The following NUBPL variants were observed in gnomAD, a reference collection of about 807,000 sequenced individuals.
NUBPL encodes the protein iron-sulfur cluster transfer protein NUBPL.
NUBPL carries 31 observed loss-of-function variants against 45.7 expected under a neutral mutation model. The observed-to-expected ratio is 0.68, with a 90% CI of 0.51 to 0.92. The LOEUF (loss-of-function observed/expected upper bound fraction) is 0.92. NUBPL is among the 40% of genes least tolerant of loss of function. The pLI is 0.00. For synonymous variants in NUBPL, 144 were observed against 140.9 expected (o/e 1.02, Z -0.15); for missense variants, 401 against 398.7 (o/e 1.01, Z -0.05).
chr14:31,750,369 T>A lies in NUBPL; in HGVS notation c.514-37411T>A, dbSNP rs567952402. Among the ~76,000 whole-genome samples the A allele has an allele frequency of 6.5e-3, 975 of 149,286 alleles. 12 individuals are homozygous for A. The highest frequency in any genetic ancestry group is 0.022 in the African/African-American group (907 of 41,066). The stretch of plus-strand genomic sequence containing the variant: ...TTTTTTTTTTTTTTTAATTTTTATT[T>A]TTTTTATTTTTTTTTATTTTTAGTA... On this transcript the variant is annotated intron_variant, in intron 6 of 10. Transcript: ENST00000281081.
intron 6 of NUBPL, among the ~76,000 whole-genome samples, chr14:31,773,105 CT>C (rs542375461): frequency 3.7e-4 from 56 of 152,090 alleles, no homozygotes; most frequent in African/African-American, 1.3e-3. Context: ...AAGTAAAAAT[CT>C]TTTTATTATT....
intron 6 of NUBPL, among the ~76,000 whole-genome samples, chr14:31,722,401 CAT>C (rs1457340866): frequency 5.9e-5 from 9 of 152,148 alleles, no homozygotes. Context: ...GTAATGAACA[CAT>C]GTGTGCATGT....
chr14:31,661,132 G>T (rs1013255921), intron 4 of NUBPL, among the ~76,000 whole-genome samples: 1 of 152,212 alleles, frequency 6.6e-6, no homozygotes, highest in Non-Finnish European at 1.5e-5. Context: ...TATTAGAAAA[G>T]ATAGAACTTT....
intron 4 of NUBPL, among the ~76,000 whole-genome samples, chr14:31,619,916 C>T (rs536619776): frequency 2.4e-4 from 37 of 152,158 alleles, no homozygotes; most frequent in African/African-American, 7.0e-4. Flanking sequence ...TGTTCAAGTA[C>T]GCCAATCACA....
At chr14:31,694,765 C>T (rs923763989) in intron 6 of NUBPL, among the ~76,000 whole-genome samples, 2 of 152,202 alleles carry the variant, frequency 1.3e-5, no homozygotes, top group South Asian at 2.1e-4. Flanking sequence ...CTGCCCGCCT[C>T]GGCCTTTCAA....
chr14:31,576,352 C>T (rs747619950), intron 3 of NUBPL, among the ~76,000 whole-genome samples: 5 of 152,094 alleles, frequency 3.3e-5, no homozygotes, highest in African/African-American at 1.2e-4. Flanking sequence ...GCCTTGAACC[C>T]GTGGGCTCAA....
At chr14:31,635,566 G>T (rs1045021613) in intron 4 of NUBPL, among the ~76,000 whole-genome samples, 2 of 151,856 alleles carry the variant, frequency 1.3e-5, no homozygotes, top group Non-Finnish European at 2.9e-5. Flanking sequence ...TTGACTTGGC[G>T]ATGTGGGCTC....
At chr14:31,835,651 C>G (rs1435346889) in intron 8 of NUBPL, among the ~76,000 whole-genome samples, 1 of 152,042 alleles carries the variant, frequency 6.6e-6, no homozygotes, top group East Asian at 1.9e-4. Flanking sequence ...CCTCATGGAC[C>G]CACAACTATT....
At position 31,646,104 on chromosome 14, in the gene NUBPL, A is replaced by G. The variant is rs139919969; in HGVS notation, c.383-27251A>G. Among the ~76,000 whole-genome samples the G allele has an allele frequency of 2.4e-4, 37 of 152,212 alleles. No individual in the cohort carries two copies. The East Asian group carries it at 6.6e-3, about 27-fold the overall frequency. On this transcript the variant is annotated intron_variant, in intron 4 of 10. Coordinates refer to ENST00000281081, the MANE Select transcript of NUBPL (RefSeq NM_025152.3). ...AATTCTCTCATTCTTTGTCTGGGAAAGACTATCTTTTCTTCATATTTGAAG... is the reference window on the plus strand; with the variant it reads ...AATTCTCTCATTCTTTGTCTGGGAAGGACTATCTTTTCTTCATATTTGAAG...
intron 6 of NUBPL, among the ~76,000 whole-genome samples, chr14:31,729,301 A>T (rs1435240209): frequency 7.7e-6 from 1 of 130,622 alleles, no homozygotes; most frequent in Non-Finnish European, 1.6e-5. Flanking sequence ...AAAAAAAGTC[A>T]TTCAACAAAT....
intron 4 of NUBPL, among the ~76,000 whole-genome samples, chr14:31,628,414 G>A (rs546649634): frequency 3.3e-5 from 5 of 152,180 alleles, no homozygotes; most frequent in Non-Finnish European, 7.4e-5. Context: ...AATCACATTT[G>A]TTAATACTGT....
intron 4 of NUBPL, among the ~76,000 whole-genome samples, chr14:31,671,260 C>G (rs1234094014): frequency 6.6e-6 from 1 of 152,068 alleles, no homozygotes; most frequent in Non-Finnish European, 1.5e-5. Flanking sequence ...ACCAAATTTT[C>G]TTTATACGTT....
At chr14:31,784,727 T>C (rs1486331429) in intron 6 of NUBPL, among the ~76,000 whole-genome samples, 1 of 152,230 alleles carries the variant, frequency 6.6e-6, no homozygotes, top group Admixed American at 6.5e-5. Flanking sequence ...TTCATTATGT[T>C]CATCATTTCA....
intron 6 of NUBPL, among the ~76,000 whole-genome samples, chr14:31,684,343 A>T (rs980261797): frequency 2.0e-5 from 3 of 152,262 alleles, no homozygotes; most frequent in African/African-American, 4.8e-5. Flanking sequence ...CTTATCTTCA[A>T]TTAAGATGTA....
chr14:31,847,134 T>C (rs2040466405), intron 9 of NUBPL, among the ~76,000 whole-genome samples: 1 of 152,164 alleles, frequency 6.6e-6, no homozygotes, highest in African/African-American at 2.4e-5. Context: ...TAACTTAAAT[T>C]TGAGAATAGA....
intron 4 of NUBPL, among the ~76,000 whole-genome samples, chr14:31,615,185 C>G (rs1243231401): frequency 6.6e-6 from 1 of 152,052 alleles, no homozygotes; most frequent in Non-Finnish European, 1.5e-5. Context: ...CTTCCCCTCT[C>G]TCTCTCTCCT....
intron 4 of NUBPL, among the ~76,000 whole-genome samples, chr14:31,645,774 ACC>A (rs35803247): frequency 2.4e-5 from 2 of 82,818 alleles, no homozygotes; most frequent in African/African-American, 4.5e-5. Context: ...TATACTTTAC[ACC>A]CCCCCCCCCA....
chr14:31,826,721 G>A lies in NUBPL; in HGVS notation c.693+7G>A, dbSNP rs201736046. The A allele has an allele frequency of 8.1e-5, 130 of 1,611,690 alleles. No individual in the cohort carries two copies. The highest frequency in any genetic ancestry group is 9.6e-5 in the Non-Finnish European group (113 of 1,177,942). ...TCGCAGAGTCCACGTGCCCGTAAGCGTTTACAGCTTCACTGTGAAAAATAT... is the reference window on the plus strand; with the variant it reads ...TCGCAGAGTCCACGTGCCCGTAAGCATTTACAGCTTCACTGTGAAAAATAT... On this transcript the variant is annotated splice_region_variant and intron_variant, in intron 8 of 10. Coordinates refer to ENST00000281081, the MANE Select transcript of NUBPL (RefSeq NM_025152.3).
chr14:31,603,847 T>C (rs1421753158), intron 4 of NUBPL, among the ~76,000 whole-genome samples: 1 of 152,192 alleles, frequency 6.6e-6, no homozygotes, highest in Admixed American at 6.5e-5. Context: ...AGTTTGCAAA[T>C]ATATGACATG....
Sources: gnomAD v4.1 joint callset for allele counts (sites outside exome capture counted in the v4.1 genomes callset) on GRCh38, gnomAD v4.1.1 for gene constraint, MANE v1.5 for transcripts, NCBI Gene and HGNC (gene_info 2026-07-23, HGNC 2026-07-21) for gene names.